The following RGS5 variants were observed in gnomAD, a reference collection of about 807,000 sequenced individuals.
RGS5 encodes the protein regulator of G-protein signalling 5.
A neutral mutation model predicts 18.9 loss-of-function variants in RGS5; 20 were observed. The ratio of observed to expected loss-of-function variants is 1.06; its 90% confidence interval spans 0.74 to 1.54. The LOEUF (loss-of-function observed/expected upper bound fraction) is 1.54. Among genes scored for constraint, RGS5 ranks in the 40% most tolerant of loss-of-function variants. The probability of loss-of-function intolerance (pLI) is 0.00; values close to 1 mark genes in which losing one functional copy is unlikely to be tolerated. For synonymous variants in RGS5, 57 were observed against 76.2 expected, an observed-to-expected ratio of 0.75 and a Z score of 1.31; for missense variants, 201 against 211.8, an observed-to-expected ratio of 0.95 and a Z score of 0.32.
upstream of RGS5, among the ~76,000 whole-genome samples, chr1:163,221,683 A>G (rs1182768157): frequency 6.6e-6 from 1 of 152,236 alleles, no homozygotes; most frequent in Non-Finnish European, 1.5e-5. Context: ...CAATAGCTGC[A>G]TGCCACTTAT....
chr1:163,173,829 A>G (rs1012913385), intron 1 of RGS5, among the ~76,000 whole-genome samples: 6 of 152,170 alleles, frequency 3.9e-5, no homozygotes, highest in Non-Finnish European at 8.8e-5. Flanking sequence ...TAATCCCAGC[A>G]CTTTAGGAGG....
At chr1:163,172,545 C>T in intron 1 of RGS5, 1 of 1,548,832 alleles carries the variant, frequency 6.5e-7, no homozygotes, top group Non-Finnish European at 8.7e-7. Flanking sequence ...TTCTTCAGAG[C>T]AGACTAACAT....
intron 2 of RGS5, among the ~76,000 whole-genome samples, chr1:163,166,782 C>T (rs1658073338): frequency 6.6e-6 from 1 of 152,170 alleles, no homozygotes; most frequent in Admixed American, 6.5e-5. Flanking sequence ...CTCTGAATCC[C>T]TTTTAATCTC....
At chr1:163,223,133 C>CT (rs1557910773) in intron 2 of RGS5, among the ~76,000 whole-genome samples, 1 of 152,220 alleles carries the variant, frequency 6.6e-6, no homozygotes, top group African/African-American at 2.4e-5. Flanking sequence ...ACATGAGCCA[C>CT]TGCGCCCAGC....
chr1:163,320,595 T>C (rs1650167551), intron 1 of RGS5, among the ~76,000 whole-genome samples: 1 of 152,200 alleles, frequency 6.6e-6, no homozygotes, highest in Non-Finnish European at 1.5e-5. Flanking sequence ...CAGTAATCAA[T>C]TTGATTTGGC....
intron 3 of RGS5, among the ~76,000 whole-genome samples, chr1:163,153,129 A>G (rs888969954): frequency 2.0e-5 from 3 of 152,228 alleles, no homozygotes; most frequent in African/African-American, 7.2e-5. Flanking sequence ...TGGCTTGTCT[A>G]TGCAAGTAAT....
chr1:163,167,063 T>TA (rs5778319), intron 2 of RGS5, among the ~76,000 whole-genome samples: 117,576 of 151,816 alleles, frequency 0.77, 45,793 homozygotes, highest in East Asian at 0.91. Context: ...TTTGAAGTAA[T>TA]AAAAAAAGGA....
At chr1:163,181,683 T>C (rs965037627) in intron 1 of RGS5, among the ~76,000 whole-genome samples, 2 of 152,152 alleles carry the variant, frequency 1.3e-5, no homozygotes, top group African/African-American at 2.4e-5. Flanking sequence ...CCCAGTTAGA[T>C]AGCAAGCTCC....
chr1:163,286,154 A>G (rs1325621570), intron 2 of RGS5, among the ~76,000 whole-genome samples: 1 of 152,150 alleles, frequency 6.6e-6, no homozygotes, highest in Non-Finnish European at 1.5e-5. Context: ...ATGACAAAAT[A>G]ATGCAAATAA....
intron 2 of RGS5, among the ~76,000 whole-genome samples, chr1:163,296,672 C>T (rs1649426338): frequency 6.6e-6 from 1 of 152,072 alleles, no homozygotes; most frequent in South Asian, 2.1e-4. Context: ...TAACCTTTTC[C>T]TTTTGTTTAC....
At chr1:163,193,842 G>A (rs947809565) in intron 1 of RGS5, among the ~76,000 whole-genome samples, 31 of 152,270 alleles carry the variant, frequency 2.0e-4, no homozygotes, top group African/African-American at 6.0e-4. Context: ...CTTTTCCACT[G>A]TTAAGGCAAA....
At chr1:163,218,576 T>A (rs1284731894), upstream of RGS5, among the ~76,000 whole-genome samples, 1 of 151,316 alleles carries the variant, frequency 6.6e-6, no homozygotes, top group African/African-American at 2.4e-5. Context: ...TTTTATTTTA[T>A]GCAAAATAAA....
At chr1:163,276,593 ATTAC>A (rs965502067) in intron 2 of RGS5, among the ~76,000 whole-genome samples, 2 of 152,172 alleles carry the variant, frequency 1.3e-5, no homozygotes, top group African/African-American at 4.8e-5. Flanking sequence ...TGGTTTTTAT[ATTAC>A]TTAAACATTT....
chr1:163,149,926 A>T (rs749280535), intron 4 of RGS5, among the ~76,000 whole-genome samples: 11 of 152,210 alleles, frequency 7.2e-5, no homozygotes, highest in Non-Finnish European at 1.2e-4. Context: ...TATACACAAG[A>T]TGGTTACAGT....
intron 1 of RGS5, among the ~76,000 whole-genome samples, chr1:163,186,757 C>T (rs974205137): frequency 6.6e-6 from 1 of 152,024 alleles, no homozygotes; most frequent in African/African-American, 2.4e-5. Flanking sequence ...AGACAAGTCC[C>T]CAAAACAATT....
At chr1:163,157,866 TG>T (rs891379837) in intron 3 of RGS5, among the ~76,000 whole-genome samples, 2 of 152,070 alleles carry the variant, frequency 1.3e-5, no homozygotes, top group African/African-American at 4.8e-5. Context: ...TTTTCAGAGA[TG>T]GGGTCTTTTT....
intron 3 of RGS5, among the ~76,000 whole-genome samples, chr1:163,158,936 C>T (rs1358748924): frequency 1.3e-5 from 2 of 152,148 alleles, no homozygotes; most frequent in African/African-American, 4.8e-5. Context: ...CAGCCGTTCC[C>T]AAAGCGGCCA....
intron 4 of RGS5, 32 bp downstream of exon 4, chr1:163,152,518 C>G: frequency 6.3e-7 from 1 of 1,592,044 alleles, no homozygotes; most frequent in Non-Finnish European, 8.5e-7. Flanking sequence ...TAATGAGCTG[C>G]CCTTAACTGA....
At chr1:163,310,170 T>C (rs914800237) in intron 1 of RGS5, among the ~76,000 whole-genome samples, 1 of 152,218 alleles carries the variant, frequency 6.6e-6, no homozygotes. Flanking sequence ...TGTAGAATTT[T>C]CAGAATGGTC....
Sources: allele counts gnomAD v4.1 joint callset (sites outside exome capture counted in the v4.1 genomes callset), GRCh38; gene constraint gnomAD v4.1.1; transcripts MANE v1.5; gene names NCBI Gene and HGNC (gene_info 2026-07-23, HGNC 2026-07-21).